Variants in ATAD2B observed in about 807,000 individuals in gnomAD.
ATAD2B encodes ATPase family AAA domain containing 2B.
A neutral mutation model predicts 167.6 loss-of-function variants in ATAD2B; 40 were observed. The observed-to-expected ratio is 0.24, with a 90% CI of 0.19 to 0.31. The LOEUF (loss-of-function observed/expected upper bound fraction) is 0.31. Among genes scored for constraint, ATAD2B ranks in the 10% least tolerant of loss-of-function variants. The pLI is 1.00. For synonymous variants in ATAD2B, 579 were observed against 596.5 expected (o/e 0.97, Z 0.43); for missense variants, 1,242 against 1,757.2 (o/e 0.71, Z 5.24).
the ATAD2B span, chr2:23,703,215 C>T: frequency 8.8e-6 from 13 of 1,470,236 alleles, no homozygotes; most frequent in Middle Eastern, 1.8e-4. Flanking sequence ...CAATGGGAGG[C>T]GGTGGCCCCT....
At chr2:23,815,176 T>C (rs1251871177) in intron 17 of ATAD2B, among the ~76,000 whole-genome samples, 4 of 152,018 alleles carry the variant, frequency 2.6e-5, no homozygotes, top group African/African-American at 9.7e-5. Context: ...CTCAGCATTG[T>C]CAGTATGGGA....
intron 16 of ATAD2B, 107 bp from the exon 17 acceptor site, chr2:23,819,989 G>C (rs1687207553): frequency 2.8e-6 from 2 of 716,382 alleles, no homozygotes; most frequent in Admixed American, 3.3e-5. Flanking sequence ...ACATTAATAA[G>C]TTATCTATCA....
chr2:23,711,342 CTTTTTTT>C, the ATAD2B span, among the ~76,000 whole-genome samples: 52 of 79,754 alleles, frequency 6.5e-4, no homozygotes, highest in Non-Finnish European at 1.0e-3. Flanking sequence ...GAATTTCTTT[CTTTTTTT>C]TTTTTTTTTT....
intron 22 of ATAD2B, among the ~76,000 whole-genome samples, chr2:23,768,021 G>C (rs1677710187): frequency 6.6e-6 from 1 of 152,066 alleles, no homozygotes; most frequent in Non-Finnish European, 1.5e-5. Context: ...TCCCAATGGA[G>C]ATACCATGTA....
rs1490059938 is a variant in ATAD2B at position 23,882,653 on chromosome 2, A to C, written c.785-1898T>G. ...GAAACCCCATCTCTACAAAAAATAC[A>C]AAAAAAAATAGCCAGGCATGGTGGC... On this transcript the variant is annotated intron_variant, in intron 6 of 27. Coordinates refer to ENST00000238789, the MANE Select transcript of ATAD2B (RefSeq NM_017552.4). 2.0e-5 allele frequency among the ~76,000 whole-genome samples: 3 copies of C among 150,384 alleles called. No homozygotes were observed. The Admixed American group carries it at 2.0e-4, about 10-fold the overall frequency.
At chr2:23,906,036 T>A (rs1701431326) in intron 1 of ATAD2B, among the ~76,000 whole-genome samples, 1 of 152,146 alleles carries the variant, frequency 6.6e-6, no homozygotes, top group Non-Finnish European at 1.5e-5. Flanking sequence ...AATTCCACTT[T>A]ATCTAAAAGA....
At chr2:23,801,643 A>AT (rs1302361679) in intron 18 of ATAD2B, among the ~76,000 whole-genome samples, 3 of 152,100 alleles carry the variant, frequency 2.0e-5, no homozygotes, top group Non-Finnish European at 4.4e-5. Flanking sequence ...TTATTACAAC[A>AT]TTATACTCCA....
chr2:23,841,946 T>C (rs1270507921), intron 13 of ATAD2B, among the ~76,000 whole-genome samples: 1 of 152,232 alleles, frequency 6.6e-6, no homozygotes, highest in Non-Finnish European at 1.5e-5. Context: ...AATGCTGCTA[T>C]GAATATTTGT....
chr2:23,907,548 G>A (rs1264273593), intron 1 of ATAD2B, among the ~76,000 whole-genome samples: 1 of 152,152 alleles, frequency 6.6e-6, no homozygotes, highest in Non-Finnish European at 1.5e-5. Context: ...ACTGCTCAAG[G>A]TAATTTACAG....
chr2:23,711,346 T>C, the ATAD2B span, among the ~76,000 whole-genome samples: 10,412 of 23,600 alleles, frequency 0.44, 857 homozygotes, highest in East Asian at 0.62. Context: ...TTCTTTCTTT[T>C]TTTTTTTTTT....
chr2:23,801,685 T>C (rs1388720801), intron 18 of ATAD2B, among the ~76,000 whole-genome samples: 1 of 152,022 alleles, frequency 6.6e-6, no homozygotes, highest in Non-Finnish European at 1.5e-5. Flanking sequence ...GCCACAGACA[T>C]CATAAGGACC....
chr2:23,801,656 T>C (rs1169856696), intron 18 of ATAD2B, among the ~76,000 whole-genome samples: 1 of 152,116 alleles, frequency 6.6e-6, no homozygotes, highest in Non-Finnish European at 1.5e-5. Context: ...ATACTCCATT[T>C]CCTTCTGACC....
At chr2:23,775,129 C>T (rs939421139) in intron 22 of ATAD2B, among the ~76,000 whole-genome samples, 1 of 151,750 alleles carries the variant, frequency 6.6e-6, no homozygotes, top group East Asian at 1.9e-4. Context: ...GGGGTACTTA[C>T]AACTGGAAGG....
Position 23,750,553 on chromosome 2 carries a change from T to G in ATAD2B, c.*1493A>C, listed in dbSNP as rs1675236303. The G allele has an allele frequency of 6.6e-6, 1 of 152,140 alleles. No individual in the cohort carries two copies. The highest frequency in any genetic ancestry group is 1.5e-5 in the Non-Finnish European group (1 of 67,988). 9.4% of individuals were successfully genotyped at this position (152,140 alleles called of 1,614,324 possible). A position where few individuals can be genotyped will look rare whatever the true frequency, so the allele number is the denominator to read the frequency against. Reference sequence around the variant, plus strand: ...AAAAGCTGAGGTAGCTCAGAATCTCTGCAGTAGTCCAAGACCATTCGCCCT... The same window carrying G: ...AAAAGCTGAGGTAGCTCAGAATCTCGGCAGTAGTCCAAGACCATTCGCCCT... On this transcript the variant is annotated 3_prime_UTR_variant, in exon 28 of 28. Coordinates refer to ENST00000238789, the MANE Select transcript of ATAD2B (RefSeq NM_017552.4).
At chr2:23,719,663 TCCC>T in the ATAD2B span, among the ~76,000 whole-genome samples, 1 of 151,496 alleles carries the variant, frequency 6.6e-6, no homozygotes, top group African/African-American at 2.4e-5. Context: ...GTGGAAAACT[TCCC>T]CCCAACTCAC....
intron 13 of ATAD2B, among the ~76,000 whole-genome samples, chr2:23,841,623 C>T (rs1029867639): frequency 1.3e-5 from 2 of 152,128 alleles, no homozygotes; most frequent in Non-Finnish European, 2.9e-5. Flanking sequence ...TCAAGCAATC[C>T]TCCCATCTCA....
the ATAD2B span, among the ~76,000 whole-genome samples, chr2:23,704,672 C>T: frequency 6.6e-6 from 1 of 152,082 alleles, no homozygotes; most frequent in South Asian, 2.1e-4. Context: ...GAAGCTGAGG[C>T]AGGAGAATCG....
chr2:23,786,347 A>C, intron 20 of ATAD2B, 124 bp from the exon 21 acceptor site: 1 of 816,204 alleles, frequency 1.2e-6, no homozygotes, highest in Non-Finnish European at 1.9e-6. Flanking sequence ...GCTTAACAAC[A>C]GGGATACATT....
chr2:23,820,438 G>GT (rs910258510), intron 16 of ATAD2B, among the ~76,000 whole-genome samples: 43 of 152,164 alleles, frequency 2.8e-4, no homozygotes, highest in African/African-American at 9.6e-4. Context: ...TGGGCCTTAG[G>GT]TTATCACTCA....
Sources: allele counts gnomAD v4.1 joint callset (sites outside exome capture counted in the v4.1 genomes callset), GRCh38; gene constraint gnomAD v4.1.1; transcripts MANE v1.5; gene names NCBI Gene and HGNC (gene_info 2026-07-23, HGNC 2026-07-21).